RRH: variants seen among roughly 807,000 people sequenced by gnomAD.
RRH encodes the protein visual pigment-like receptor peropsin.
A neutral mutation model predicts 33.1 loss-of-function variants in RRH; 36 were observed. The observed-to-expected ratio is 1.09, with a 90% CI of 0.83 to 1.44. The LOEUF (loss-of-function observed/expected upper bound fraction) is 1.44, where lower values mean the gene tolerates loss of function less well. Ranked by LOEUF, RRH falls within the 40% of genes most tolerant of loss-of-function variation. The probability of loss-of-function intolerance (pLI) is 0.00; values close to 1 mark genes in which losing one functional copy is unlikely to be tolerated. For missense variants in RRH, 393 were observed against 420.2 expected (o/e 0.94, Z 0.57); for synonymous variants, 124 against 140.2 (o/e 0.88, Z 0.82).
chr4:109,831,400 TCTG>T (rs1235670371), intron 1 of RRH, among the ~76,000 whole-genome samples: 7 of 152,174 alleles, frequency 4.6e-5, no homozygotes, highest in Admixed American at 3.3e-4. Flanking sequence ...ATTAAATAAA[TCTG>T]CTGTATGTCA....
At chr4:109,837,092 G>T (rs1447717068) in intron 4 of RRH, among the ~76,000 whole-genome samples, 1 of 151,832 alleles carries the variant, frequency 6.6e-6, no homozygotes. Flanking sequence ...GTCTTGAAAA[G>T]AATTAAAAGT....
At chr4:109,830,918 C>G (rs1733735996) in intron 1 of RRH, among the ~76,000 whole-genome samples, 1 of 152,114 alleles carries the variant, frequency 6.6e-6, no homozygotes, top group Admixed American at 6.6e-5. Flanking sequence ...AAGGAGAAAT[C>G]AACATCAAGT....
chr4:109,839,869 T>A (rs982523158), intron 5 of RRH, among the ~76,000 whole-genome samples: 3 of 152,180 alleles, frequency 2.0e-5, no homozygotes, highest in Middle Eastern at 3.2e-3. Context: ...TTGATGAGAA[T>A]TTAGGTTAAT....
At chr4:109,838,016 G>A (rs142517850) in intron 5 of RRH, among the ~76,000 whole-genome samples, 2 of 152,294 alleles carry the variant, frequency 1.3e-5, no homozygotes, top group African/African-American at 4.8e-5. Flanking sequence ...TTGACCTCAG[G>A]CGATCCACCT....
Position 109,837,438 on chromosome 4 carries a change from T to A in RRH, c.553T>A (p.Ser185Thr). 6.2e-7 allele frequency: 1 copy of A among 1,613,852 alleles called. No homozygotes were observed. The highest frequency in any genetic ancestry group is 2.2e-5 in the East Asian group (1 of 44,866). ...ATGATTGCCTTTTCTTATTTTCAGA[T>A]CTTTTGTGTCTTACACCATGACAGT... The part of the protein sequence containing the change: ...CTINWRKNDR[S>T]FVSYTMTVIA... The change falls in exon 5 of 7, where the codon TCT (serine) becomes ACT (threonine). Residue 185 changes from serine (S) to threonine (T), a missense_variant and splice_region_variant. By Grantham distance (58) the Ser-to-Thr change is moderately conservative (BLOSUM62 1). Coordinates refer to ENST00000317735, the MANE Select transcript of RRH (RefSeq NM_006583.5).
At chr4:109,829,184 T>C (rs1019161798) in intron 1 of RRH, among the ~76,000 whole-genome samples, 3 of 488 alleles carry the variant, frequency 6.1e-3, no homozygotes, top group Non-Finnish European at 0.047. Context: ...TATAATTGTT[T>C]ACGTTTCTTC....
intron 5 of RRH, among the ~76,000 whole-genome samples, chr4:109,839,021 T>C (rs1423672504): frequency 6.8e-6 from 1 of 147,500 alleles, no homozygotes; most frequent in Non-Finnish European, 1.5e-5. Flanking sequence ...TATTTAGATA[T>C]TTAATCTGCT....
At chr4:109,836,274 TCC>T (rs778393824) in intron 4 of RRH, 114 bp downstream of exon 4, 170 of 1,055,828 alleles carry the variant, frequency 1.6e-4, no homozygotes, top group Middle Eastern at 5.6e-4. Flanking sequence ...GCGAAGCACT[TCC>T]CTGGTAGTGA....
At chr4:109,837,312 A>T in intron 4 of RRH, 125 bp from the exon 5 acceptor site, 5 of 909,680 alleles carry the variant, frequency 5.5e-6, no homozygotes, top group Non-Finnish European at 6.9e-6. Context: ...AAAGTCAAAT[A>T]TACTTCTAAA....
In RRH at chr4:109,837,549, A is replaced by G. The variant is rs994586514; in HGVS notation, c.664A>G (p.Ser222Gly). Residue 222 changes from serine to glycine, a missense_variant, in exon 5 of 7, where the codon AGT (serine) becomes GGT (glycine). Ser to Gly is a moderately conservative substitution (Grantham distance 56). Transcript: ENST00000317735. ...GCTATCCATTAAACATCACACTACCAGTGACTGCACTGAGTCCCTCAACAG... is the reference window on the plus strand; with the variant it reads ...GCTATCCATTAAACATCACACTACCGGTGACTGCACTGAGTCCCTCAACAG... ...VTLSIKHHTT[S>G]DCTESLNRDW... The G allele has an allele frequency of 1.9e-6, 3 of 1,613,994 alleles. No individual in the cohort carries two copies. The highest frequency in any genetic ancestry group is 2.5e-6 in the Non-Finnish European group (3 of 1,179,848).
Position 109,837,566 on chromosome 4 carries a change from C to T in RRH, c.681C>T (p.Ser227=), listed in dbSNP as rs1047624638. Residue 227 remains serine (S), a synonymous_variant, in exon 5 of 7, where the codon TCC becomes TCT. Transcript: ENST00000317735. ...ACACTACCAGTGACTGCACTGAGTC[C>T]CTCAACAGAGACTGGTCAGATCAGA... The part of the protein sequence containing the change: ...KHHTTSDCTE[S]LNRDWSDQID... 2.5e-6 allele frequency: 4 copies of T among 1,613,838 alleles called. No homozygotes were observed. The highest frequency in any genetic ancestry group is 3.4e-6 in the Non-Finnish European group (4 of 1,179,782).
Position 109,844,561 on chromosome 4 carries a change from T to C in RRH, c.*364T>C, listed in dbSNP as rs1734046153. 6.3e-6 allele frequency: 1 copy of C among 159,116 alleles called. No homozygotes were observed. Among genetic ancestry groups the C allele is most frequent in the African/African-American group, 2.4e-5 (1 of 41,596 alleles). 9.9% of individuals were successfully genotyped at this position (159,116 alleles called of 1,614,324 possible). A position where few individuals can be genotyped will look rare whatever the true frequency, so the allele number is the denominator to read the frequency against. On this transcript the variant is annotated 3_prime_UTR_variant, in exon 7 of 7. Transcript: ENST00000317735. ...TAATGTTAGAATAAATGAATAATTCTAGATAATTACTGAAATGAGTTGTTG... is the reference window on the plus strand; with the variant it reads ...TAATGTTAGAATAAATGAATAATTCCAGATAATTACTGAAATGAGTTGTTG...
rs767064372 is a variant in RRH, at chr4:109,836,167, G to C, written c.551+7G>C. The C allele has an allele frequency of 6.2e-7, 1 of 1,613,862 alleles. No individual in the cohort carries two copies. Among genetic ancestry groups the C allele is most frequent in the Non-Finnish European group, 8.5e-7 (1 of 1,179,760 alleles). Reference sequence around the variant, plus strand: ...ACTGGAGGAAAAATGATAGGTAAGAGACAAGTTTACACTTTATAATCAAAT... The same window carrying C: ...ACTGGAGGAAAAATGATAGGTAAGACACAAGTTTACACTTTATAATCAAAT... On this transcript the variant is annotated splice_region_variant and intron_variant, in intron 4 of 6. Transcript: ENST00000317735.
intron 1 of RRH, among the ~76,000 whole-genome samples, chr4:109,828,513 T>G (rs1210094149): frequency 6.6e-6 from 1 of 152,134 alleles, no homozygotes; most frequent in African/African-American, 2.4e-5. Context: ...GAGAAGAGTA[T>G]GCACCATGGC....
chr4:109,833,316 A>G lies in RRH; in HGVS notation c.284A>G (p.Tyr95Cys). ...SDLYGSWKFG[Y>C]AGCQVYAGLN... Reference sequence around the variant, plus strand: ...CTGTATGGAAGTTGGAAATTTGGATACGCAGGCTGTCAGGTATTGGAGATC... The same window carrying G: ...CTGTATGGAAGTTGGAAATTTGGATGCGCAGGCTGTCAGGTATTGGAGATC... The change falls in exon 2 of 7, where the codon TAC becomes TGC. Residue 95 changes from tyrosine (Y) to cysteine (C), a missense_variant. Transcript: ENST00000317735. 6 of 1,614,022 alleles carry G rather than the reference A, an allele frequency of 3.7e-6. No individual in the cohort carries two copies. The highest frequency in any genetic ancestry group is 5.1e-6 in the Non-Finnish European group (6 of 1,179,902).
chr4:109,842,588 AC>A lies in RRH; in HGVS notation c.841del (p.Leu281CysfsTer39). On this transcript the variant is annotated frameshift_variant, in exon 6 of 7. Coordinates refer to ENST00000317735, the MANE Select transcript of RRH (RefSeq NM_006583.5). LOFTEE classifies it high-confidence loss of function. ...IPPPMAIIAP[L>X]FAKSSTFYNP... ...CTCCCCCCATGGCCATCATAGCTCC[AC>A]TGTTTGCAAAATCTTCTACATTCTA... 6.2e-7 allele frequency: 1 copy of A among 1,614,066 alleles called. No individual in the cohort carries two copies. Among genetic ancestry groups the A allele is most frequent in the Non-Finnish European group, 8.5e-7 (1 of 1,179,968 alleles).
chr4:109,839,083 GT>G (rs1330226054), intron 5 of RRH, among the ~76,000 whole-genome samples: 1 of 146,250 alleles, frequency 6.8e-6, no homozygotes, highest in Non-Finnish European at 1.5e-5. Context: ...GTCTATTTTT[GT>G]TTGTTTCTTT....
At chr4:109,834,994 A>C (rs1368044159) in intron 2 of RRH, among the ~76,000 whole-genome samples, 2 of 152,110 alleles carry the variant, frequency 1.3e-5, no homozygotes, top group Non-Finnish European at 2.9e-5. Context: ...GGCTTGTGTG[A>C]ATACCCCGTT....
chr4:109,836,128 T>C lies in RRH; in HGVS notation c.519T>C (p.Ala173=). ...WASYAPDPTG[A]TCTINWRKND... ...GTTATGCCCCAGATCCTACTGGTGC[T>C]ACGTGTACCATAAACTGGAGGAAAA... Residue 173 remains alanine, a synonymous_variant, in exon 4 of 7, where the codon GCT becomes GCC. Transcript: ENST00000317735. The C allele has an allele frequency of 6.2e-7, 1 of 1,614,176 alleles. No individual in the cohort carries two copies. The highest frequency in any genetic ancestry group is 8.5e-7 in the Non-Finnish European group (1 of 1,179,998).
Sources: allele counts gnomAD v4.1 joint callset (sites outside exome capture counted in the v4.1 genomes callset), GRCh38; gene constraint gnomAD v4.1.1; transcripts MANE v1.5; gene names NCBI Gene and HGNC (gene_info 2026-07-23, HGNC 2026-07-21).